The following PDE1C variants were observed in gnomAD, a reference collection of about 807,000 sequenced individuals.
PDE1C encodes the protein dual specificity calcium/calmodulin-dependent 3',5'-cyclic nucleotide phosphodiesterase 1C.
In PDE1C, 62 loss-of-function variants were observed where a neutral mutation model predicts 93.1. That is an observed-to-expected ratio of 0.67 (90% confidence interval 0.54 to 0.82). The LOEUF is 0.82. Among genes scored for constraint, PDE1C ranks in the 40% least tolerant of loss-of-function variants. PDE1C has a pLI of 0.00. For synonymous variants in PDE1C, 325 were observed against 310.1 expected (o/e 1.05, Z -0.50); for missense variants, 742 against 884.6 (o/e 0.84, Z 2.04).
chr7:32,206,017 A>C (rs1057144230), intron 2 of PDE1C, among the ~76,000 whole-genome samples: 1 of 152,174 alleles, frequency 6.6e-6, no homozygotes, highest in Non-Finnish European at 1.5e-5. Flanking sequence ...GAAGAAACCG[A>C]TTCTAGACGC....
chr7:32,026,833 A>G (rs897806414), intron 2 of PDE1C, among the ~76,000 whole-genome samples: 1 of 152,176 alleles, frequency 6.6e-6, no homozygotes, highest in African/African-American at 2.4e-5. Context: ...AGCACTAAAA[A>G]TTAAAAAAAA....
At chr7:31,896,032 C>CAT (rs1799288811) in intron 2 of PDE1C, among the ~76,000 whole-genome samples, 1 of 67,650 alleles carries the variant, frequency 1.5e-5, no homozygotes, top group Non-Finnish European at 3.5e-5. Flanking sequence ...CACACACAAA[C>CAT]ACACACACAA....
At chr7:32,085,092 T>G (rs1796982524) in intron 3 of PDE1C, among the ~76,000 whole-genome samples, 1 of 145,172 alleles carries the variant, frequency 6.9e-6, no homozygotes, top group South Asian at 2.3e-4. Context: ...TCAACAAAAT[T>G]GATAGACCGC....
chr7:31,811,588 CT>C (rs1161916560), intron 15 of PDE1C, among the ~76,000 whole-genome samples: 2 of 152,102 alleles, frequency 1.3e-5, no homozygotes, highest in Non-Finnish European at 2.9e-5. Context: ...TGTAGTCAAA[CT>C]AGTTCCTTCT....
At chr7:32,063,419 G>T (rs1178992055) in intron 1 of PDE1C, among the ~76,000 whole-genome samples, 1 of 152,206 alleles carries the variant, frequency 6.6e-6, no homozygotes, top group East Asian at 1.9e-4. Context: ...GAAAATTAAA[G>T]ATTGAAAACT....
At chr7:31,878,221 T>G (rs897254217) in intron 4 of PDE1C, among the ~76,000 whole-genome samples, 185 bp from the exon 5 acceptor site, 24 of 152,090 alleles carry the variant, frequency 1.6e-4, no homozygotes, top group Admixed American at 3.3e-4. Context: ...TCAAAAGAAA[T>G]TAAAGCAATC....
At chr7:32,221,715 T>C (rs1806880599) in intron 1 of PDE1C, among the ~76,000 whole-genome samples, 1 of 147,844 alleles carries the variant, frequency 6.8e-6, no homozygotes, top group South Asian at 2.1e-4. Context: ...TAATGCTCAA[T>C]TCTCTTGGTT....
At chr7:31,667,527 A>C in the PDE1C span, among the ~76,000 whole-genome samples, 5 of 152,174 alleles carry the variant, frequency 3.3e-5, no homozygotes, top group African/African-American at 1.2e-4. Flanking sequence ...TATGCTGGGC[A>C]CCGTCGTAGG....
At chr7:31,785,252 G>A (rs375107361) in intron 16 of PDE1C, 1 of 152,174 alleles carries the variant, frequency 6.6e-6, no homozygotes, top group Non-Finnish European at 1.5e-5. Context: ...CACAAAGGGG[G>A]ACAAGGTCTC....
At chr7:32,205,083 T>C (rs970619836) in intron 2 of PDE1C, among the ~76,000 whole-genome samples, 2 of 152,216 alleles carry the variant, frequency 1.3e-5, no homozygotes, top group African/African-American at 4.8e-5. Flanking sequence ...GCTTGTGGTA[T>C]ACAGTCCCTG....
At chr7:32,000,080 C>T (rs1392490987) in intron 2 of PDE1C, among the ~76,000 whole-genome samples, 3 of 152,214 alleles carry the variant, frequency 2.0e-5, no homozygotes, top group Non-Finnish European at 4.4e-5. Context: ...GAGATACCCA[C>T]ACCTACCTCA....
rs190399459 is a variant in PDE1C at position 32,077,973 on chromosome 7, G to A, written c.308+91812C>T. On this transcript the variant is annotated intron_variant, in intron 3 of 18. Transcript: ENST00000396193. ...GTGGCAGGGCAGCAAGACAGTGCAGGCCTCCTGACTTCTGGCTCCGTGGAC... is the reference window on the plus strand; with the variant it reads ...GTGGCAGGGCAGCAAGACAGTGCAGACCTCCTGACTTCTGGCTCCGTGGAC... The A allele has an allele frequency of 1.0e-4, 99 of 985,326 alleles. 1 individual carries two copies. The East Asian group carries it at 8.8e-3, about 88-fold the overall frequency. The allele number at this position is 985,326 out of a possible 1,614,324, so 61.0% of individuals were successfully genotyped here. A position where few individuals can be genotyped will look rare whatever the true frequency, so the allele number is the denominator to read the frequency against.
chr7:31,745,351 C>T, the PDE1C span, among the ~76,000 whole-genome samples: 1 of 152,146 alleles, frequency 6.6e-6, no homozygotes, highest in African/African-American at 2.4e-5. Context: ...ATTACATTTT[C>T]AAGGATCTGT....
intron 3 of PDE1C, among the ~76,000 whole-genome samples, chr7:32,157,519 G>T (rs1801650052): frequency 1.5e-5 from 2 of 133,090 alleles, no homozygotes; most frequent in Admixed American, 1.6e-4. Flanking sequence ...ACAACTAAAG[G>T]TGATGTGTGC....
In PDE1C at chr7:32,420,124, TACACACACACAC is replaced by T. The variant is rs1156625491; in HGVS notation, c.310+7686_310+7697del. ...ATATATATATATATATATATATATATACACACACACACACACACACACACACACACACACATA... is the reference window on the plus strand; with the variant it reads ...ATATATATATATATATATATATATATACACACACACACACACACACACATA... On this transcript the variant is annotated intron_variant, in intron 1 of 1. Coordinates refer to the PDE1C transcript ENST00000672256. Among the ~76,000 whole-genome samples, 53 of 13,054 alleles carry T rather than the reference TACACACACACAC, an allele frequency of 4.1e-3. 5 individuals are homozygous for T. The highest frequency in any genetic ancestry group is 5.9e-3 in the African/African-American group (24 of 4,092). 8.6% of individuals were successfully genotyped at this position (13,054 alleles called of 152,430 possible). A position where few individuals can be genotyped will look rare whatever the true frequency, so the allele number is the denominator to read the frequency against.
chr7:32,108,601 T>C (rs940801428), intron 3 of PDE1C, among the ~76,000 whole-genome samples: 2 of 152,180 alleles, frequency 1.3e-5, no homozygotes, highest in Non-Finnish European at 2.9e-5. Context: ...TAAACATTTA[T>C]TGGGCACTCA....
chr7:32,290,789 A>G (rs1435530407), intron 1 of PDE1C, among the ~76,000 whole-genome samples: 1 of 152,194 alleles, frequency 6.6e-6, no homozygotes, highest in Non-Finnish European at 1.5e-5. Flanking sequence ...ATCCATGAAG[A>G]ACAACCATAA....
intron 2 of PDE1C, among the ~76,000 whole-genome samples, chr7:31,996,773 T>C (rs1784779825): frequency 6.6e-6 from 1 of 152,242 alleles, no homozygotes; most frequent in Admixed American, 6.5e-5. Flanking sequence ...GTTATAGTGA[T>C]TTTATAATTT....
intron 1 of PDE1C, among the ~76,000 whole-genome samples, chr7:32,332,153 C>A (rs1272236575): frequency 6.6e-6 from 1 of 151,832 alleles, no homozygotes; most frequent in East Asian, 1.9e-4. Flanking sequence ...AATCATTATA[C>A]ACACACACAC....
Sources: gnomAD v4.1 joint callset for allele counts (sites outside exome capture counted in the v4.1 genomes callset) on GRCh38, gnomAD v4.1.1 for gene constraint, MANE v1.5 for transcripts, NCBI Gene and HGNC (gene_info 2026-07-23, HGNC 2026-07-21) for gene names.